The following HIVEP1 variants were observed in gnomAD, a reference collection of about 807,000 sequenced individuals.
The protein encoded by HIVEP1 is zinc finger protein 40.
HIVEP1 carries 36 observed loss-of-function variants against 180.0 expected under a neutral mutation model. The ratio of observed to expected loss-of-function variants is 0.20; its 90% confidence interval spans 0.15 to 0.26. The LOEUF is 0.26. Ranked by LOEUF, HIVEP1 falls within the 10% of genes least tolerant of loss-of-function variation. HIVEP1 has a pLI of 1.00. For synonymous variants in HIVEP1, 1,239 were observed against 1,239.0 expected (o/e 1.00, Z 0.00); for missense variants, 3,143 against 3,268.7 (o/e 0.96, Z 0.94).
intron 3 of HIVEP1, among the ~76,000 whole-genome samples, chr6:12,093,673 T>G (rs555294565): frequency 1.2e-4 from 18 of 152,074 alleles, no homozygotes; most frequent in African/African-American, 4.3e-4. Context: ...TTTTACTGTT[T>G]CGTATTAATT....
chr6:12,011,269 G>GGCCCCCC (rs1767266720), upstream of HIVEP1, among the ~76,000 whole-genome samples: 2 of 75,702 alleles, frequency 2.6e-5, no homozygotes, highest in Non-Finnish European at 2.8e-5. Context: ...CCCCCTTGGG[G>GGCCCCCC]TCCCCCCCCC....
chr6:12,124,328 T>C lies in HIVEP1; in HGVS notation c.4533T>C (p.Asp1511=). The change falls in exon 4 of 9, where the codon GAT becomes GAC. Residue 1511 remains aspartate (D), a synonymous_variant. Transcript: ENST00000379388. ...TNVFPVQQLC[D]INLLNQIHAP... ...TTTTTCCTGTTCAACAGCTCTGTGA[T>C]ATCAATTTGTTAAATCAAATCCATG... 1 of 1,613,950 alleles carries C rather than the reference T, an allele frequency of 6.2e-7. No individual in the cohort carries two copies. Among genetic ancestry groups the C allele is most frequent in the Non-Finnish European group, 8.5e-7 (1 of 1,179,892 alleles).
intron 2 of HIVEP1, among the ~76,000 whole-genome samples, chr6:12,024,249 AT>A (rs201215779): frequency 0.042 from 5,600 of 134,848 alleles, 193 homozygotes; most frequent in African/African-American, 0.1. Flanking sequence ...ATTGATTTTG[AT>A]TTTTTTTTTT....
chr6:12,044,640 C>G (rs1209473807), intron 2 of HIVEP1, among the ~76,000 whole-genome samples: 1 of 151,800 alleles, frequency 6.6e-6, no homozygotes, highest in Non-Finnish European at 1.5e-5. Context: ...CACCTGTTTA[C>G]AGCTGAGGGC....
At chr6:12,078,719 C>CACACACATATATATATATATAT (rs758199591) in intron 2 of HIVEP1, among the ~76,000 whole-genome samples, 1 of 146,358 alleles carries the variant, frequency 6.8e-6, no homozygotes, top group Non-Finnish European at 1.5e-5. Context: ...CACACACACA[C>CACACACATATATATATATATAT]ATATATATAT....
At chr6:12,018,321 G>C (rs1352650387) in intron 2 of HIVEP1, among the ~76,000 whole-genome samples, 3 of 152,322 alleles carry the variant, frequency 2.0e-5, no homozygotes, top group South Asian at 2.1e-4. Context: ...GGCCATCCCA[G>C]GAAGGGGATC....
intron 7 of HIVEP1, among the ~76,000 whole-genome samples, chr6:12,149,441 A>T (rs1759563238): frequency 6.6e-6 from 1 of 152,208 alleles, no homozygotes; most frequent in Admixed American, 6.5e-5. Context: ...AATCATCACC[A>T]GGAAACGTCT....
In HIVEP1 at chr6:12,123,313, C is replaced by T. The variant is rs768381531; in HGVS notation, c.3518C>T (p.Ser1173Phe). Residue 1173 changes from serine (S) to phenylalanine (F), a missense_variant, in exon 4 of 9, where the codon TCT (serine) becomes TTT (phenylalanine). By Grantham distance (155) the Ser-to-Phe change is radical. Transcript: ENST00000379388. ...QELNRTGKSG[S>F]LKVIGISQEE... is the part of the protein sequence containing the mutation. The stretch of plus-strand genomic sequence containing the variant: ...CTGAATAGAACGGGGAAGTCCGGGT[C>T]TCTAAAAGTGATAGGAATCTCCCAA... 1 of 1,614,142 alleles carries T rather than the reference C, an allele frequency of 6.2e-7. No individual in the cohort carries two copies. The highest frequency in any genetic ancestry group is 8.5e-7 in the Non-Finnish European group (1 of 1,180,020).
At chr6:12,186,479 A>G in the HIVEP1 span, among the ~76,000 whole-genome samples, 1 of 151,678 alleles carries the variant, frequency 6.6e-6, no homozygotes, top group Non-Finnish European at 1.5e-5. Context: ...GGATGATGGA[A>G]ATGTTCTTAC....
Position 12,121,497 on chromosome 6 carries a change from G to A in HIVEP1, c.1702G>A (p.Val568Ile). 1 of 1,614,204 alleles carries A rather than the reference G, an allele frequency of 6.2e-7. No individual in the cohort carries two copies. Among genetic ancestry groups the A allele is most frequent in the Non-Finnish European group, 8.5e-7 (1 of 1,180,044 alleles). ...TELPKVVVHH[V>I]TVSPLRTDSP... ...GTTACCGAAAGTTGTGGTCCACCAT[G>A]TCACTGTGTCCCCCTTAAGAACTGA... Residue 568 changes from valine to isoleucine, a missense_variant, in exon 4 of 9, where the codon GTC becomes ATC. This residue lies in a region of HIVEP1 where 365 missense variants were observed against 344.4 expected (regional missense o/e 1.06). Transcript: ENST00000379388. This position sits in a 1 kb window ranked among gnomAD's most constrained non-coding sequence, Gnocchi z 5.3.
intron 2 of HIVEP1, among the ~76,000 whole-genome samples, chr6:12,023,057 G>C (rs1031763139): frequency 1.3e-5 from 2 of 152,196 alleles, no homozygotes; most frequent in East Asian, 3.8e-4. Flanking sequence ...TTTAAAAAAT[G>C]TCGGTGTCAC....
intron 2 of HIVEP1, among the ~76,000 whole-genome samples, chr6:12,031,085 C>T (rs1383426304): frequency 6.6e-6 from 1 of 151,872 alleles, no homozygotes; most frequent in Non-Finnish European, 1.5e-5. Context: ...AGAGGGTTAC[C>T]CTGTGTAGTT....
At chr6:12,060,502 G>A (rs1352377049) in intron 2 of HIVEP1, among the ~76,000 whole-genome samples, 1 of 152,178 alleles carries the variant, frequency 6.6e-6, no homozygotes, top group Non-Finnish European at 1.5e-5. Context: ...ATGAGAATCT[G>A]CAAAAGAAAC....
chr6:12,197,709 TG>T, the HIVEP1 span, among the ~76,000 whole-genome samples: 3 of 152,112 alleles, frequency 2.0e-5, no homozygotes, highest in African/African-American at 7.2e-5. Flanking sequence ...GGTTTTAAGC[TG>T]AGGTATGGCA....
rs966121270 is a variant in HIVEP1, at chr6:12,124,815, C to T, written c.5020C>T (p.His1674Tyr). 15 of 1,614,130 alleles carry T rather than the reference C, an allele frequency of 9.3e-6. No homozygotes were observed. The highest frequency in any genetic ancestry group is 1.2e-5 in the Non-Finnish European group (14 of 1,179,988). Residue 1674 changes from histidine to tyrosine, a missense_variant, in exon 4 of 9, where the codon CAT (histidine) becomes TAT (tyrosine). Around this residue, in one of 12 missense-constraint regions of HIVEP1, gnomAD observed 1,357 missense variants for 1,260.5 expected, o/e 1.08. Coordinates refer to ENST00000379388, the MANE Select transcript of HIVEP1 (RefSeq NM_002114.4). ...LPNQPICQTN[H>Y]SVVPISEEQN... is the part of the protein sequence containing the mutation. ...CAATCAGCCAATTTGCCAGACTAAT[C>T]ATAGTGTAGTGCCAATCAGTGAAGA...
chr6:12,026,433 T>G (rs1250704247), intron 2 of HIVEP1, among the ~76,000 whole-genome samples: 1 of 152,166 alleles, frequency 6.6e-6, no homozygotes, highest in Non-Finnish European at 1.5e-5. Flanking sequence ...GTTTTTAGAC[T>G]TTGGTAGAAG....
rs537694768 is a variant in HIVEP1, at chr6:12,115,089, A to G, written c.95-4801A>G. On this transcript the variant is annotated intron_variant, in intron 3 of 8. Transcript: ENST00000379388. ...CTCTGAGCTGTGGTTTATCATCCCT[A>G]CTACTTACCATAAGAATATGCTTTA... is the stretch of plus-strand genomic sequence containing the variant. Among the ~76,000 whole-genome samples, 3 of 152,308 alleles carry G rather than the reference A, an allele frequency of 2.0e-5. No individual in the cohort carries two copies. In the South Asian group the frequency reaches 6.2e-4, roughly 32 times the overall value.
At chr6:12,202,303 A>T in the HIVEP1 span, among the ~76,000 whole-genome samples, 3 of 150,794 alleles carry the variant, frequency 2.0e-5, no homozygotes, top group Non-Finnish European at 3.0e-5. Context: ...CTATAGGCTA[A>T]TTTTTTTTTT....
At chr6:12,161,225 G>C (rs975337704) in intron 7 of HIVEP1, among the ~76,000 whole-genome samples, 1 of 151,964 alleles carries the variant, frequency 6.6e-6, no homozygotes, top group Non-Finnish European at 1.5e-5. Context: ...CCCTGACCCC[G>C]GCCCCTCCCG....
Sources: allele counts gnomAD v4.1 joint callset (sites outside exome capture counted in the v4.1 genomes callset), GRCh38; gene constraint gnomAD v4.1.1; regional missense constraint gnomAD v4.1.1; non-coding constraint Gnocchi (gnomAD v3.1); transcripts MANE v1.5; gene names NCBI Gene and HGNC (gene_info 2026-07-23, HGNC 2026-07-21).